DENND4A: variants seen among roughly 807,000 people sequenced by gnomAD.
DENND4A encodes DENN domain containing 4A.
A neutral mutation model predicts 199.3 loss-of-function variants in DENND4A; 70 were observed. The observed-to-expected ratio is 0.35, with a 90% CI of 0.29 to 0.43. The LOEUF (loss-of-function observed/expected upper bound fraction) is 0.43. Ranked by LOEUF, DENND4A falls within the 20% of genes least tolerant of loss-of-function variation. The pLI, the probability that DENND4A is intolerant of heterozygous loss-of-function variation, is 1.00. For missense variants in DENND4A, 1,723 were observed against 2,255.8 expected (o/e 0.76, Z 4.78); for synonymous variants, 686 against 766.9 (o/e 0.89, Z 1.74).
chr15:65,692,500 T>C lies in DENND4A; in HGVS notation c.3083-989A>G, dbSNP rs1034275722. On this transcript the variant is annotated intron_variant, in intron 22 of 32. Transcript: ENST00000443035. ...CTTTATGCACAGAATTAGCTCTCTA[T>C]AGCCAGACAAGTATTGAAAATGTGC... Among the ~76,000 whole-genome samples, 8 of 152,282 alleles carry C rather than the reference T, an allele frequency of 5.3e-5. No individual in the cohort carries two copies. The South Asian group carries it at 8.3e-4, about 16-fold the overall frequency.
At chr15:65,737,586 AT>A in intron 7 of DENND4A, 120 bp downstream of exon 7, 1 of 1,036,306 alleles carries the variant, frequency 9.6e-7, no homozygotes, top group Non-Finnish European at 1.4e-6. Context: ...GAAATAAACC[AT>A]TTTTTTCAAA....
intron 4 of DENND4A, 58 bp downstream of exon 4, chr15:65,752,315 ATGTATT>A: frequency 4.2e-6 from 1 of 239,252 alleles, no homozygotes; most frequent in Non-Finnish European, 7.5e-6. Flanking sequence ...AAAAAAAAAG[ATGTATT>A]TAAAATTATG....
At position 65,700,823 on chromosome 15, in the gene DENND4A, T is replaced by C; in HGVS notation, c.2702-148A>G. ...ATACAACTATAACAAAGAAACCTAT[T>C]GTGAGTTATTAATGAACACTAAAAC... is the stretch of plus-strand genomic sequence containing the variant. On this transcript the variant is annotated intron_variant, in intron 19 of 32. Coordinates refer to ENST00000443035, the MANE Select transcript of DENND4A (RefSeq NM_001320835.1). The C allele has an allele frequency of 9.3e-6, 9 of 967,816 alleles. No homozygotes were observed. The South Asian group carries it at 1.8e-4, about 19-fold the overall frequency. The allele number at this position is 967,816 out of a possible 1,614,324, so 60.0% of individuals were successfully genotyped here.
At chr15:65,673,903 G>A (rs2076292204) in intron 24 of DENND4A, among the ~76,000 whole-genome samples, 1 of 152,082 alleles carries the variant, frequency 6.6e-6, no homozygotes, top group African/African-American at 2.4e-5. Context: ...CTAATCTACA[G>A]TATAGAATAT....
chr15:65,725,652 G>A (rs1596534158), intron 11 of DENND4A, among the ~76,000 whole-genome samples: 2 of 147,988 alleles, frequency 1.4e-5, no homozygotes, highest in South Asian at 2.2e-4. Flanking sequence ...ACTCCAGCCT[G>A]GGCAACAGAG....
chr15:65,787,151 CTCA>C (rs1408535072), intron 1 of DENND4A, among the ~76,000 whole-genome samples: 1 of 152,040 alleles, frequency 6.6e-6, no homozygotes, highest in Non-Finnish European at 1.5e-5. Flanking sequence ...ATAAAAATCT[CTCA>C]TCTACAAAAC....
At chr15:65,781,457 A>G (rs1847592267) in intron 1 of DENND4A, among the ~76,000 whole-genome samples, 1 of 152,238 alleles carries the variant, frequency 6.6e-6, no homozygotes, top group African/African-American at 2.4e-5. Flanking sequence ...ATAACGCAGA[A>G]GTTGGAACAA....
intron 1 of DENND4A, chr15:65,772,276 G>T: frequency 1.8e-6 from 1 of 541,220 alleles, no homozygotes; most frequent in Non-Finnish European, 3.3e-6. Context: ...AATATTTATT[G>T]AATACTGAAA....
Position 65,660,066 on chromosome 15 carries a change from T to C in DENND4A, c.*1785A>G, listed in dbSNP as rs994431474. 2 of 472,496 alleles carry C rather than the reference T, an allele frequency of 4.2e-6. No homozygotes were observed. The highest frequency in any genetic ancestry group is 3.8e-5 in the Admixed American group (1 of 26,564). The allele number at this position is 472,496 out of a possible 1,614,324, so 29.3% of individuals were successfully genotyped here. A position where few individuals can be genotyped will look rare whatever the true frequency, so the allele number is the denominator to read the frequency against. ...CCAAAAGCCTCCCCCCTCTGAAATG[T>C]TTCTCTCAGTTGACAACTTTCAAAT... On this transcript the variant is annotated 3_prime_UTR_variant, in exon 33 of 33. Coordinates refer to ENST00000443035, the MANE Select transcript of DENND4A (RefSeq NM_001320835.1).
intron 30 of DENND4A, 48 bp from the exon 31 acceptor site, chr15:65,664,770 A>G: frequency 6.7e-7 from 1 of 1,495,254 alleles, no homozygotes; most frequent in East Asian, 2.3e-5. Context: ...CTGTGTAGAA[A>G]GGAGAAAGAA....
In DENND4A at chr15:65,688,975, G is replaced by T. The variant is rs1461412722; in HGVS notation, c.4179+1440C>A. 2.0e-5 allele frequency among the ~76,000 whole-genome samples: 3 copies of T among 152,152 alleles called. No individual in the cohort carries two copies. In the East Asian group the frequency reaches 5.8e-4, roughly 29 times the overall value. On this transcript the variant is annotated intron_variant, in intron 23 of 32. Transcript: ENST00000443035. ...CAGTATTCTCACCCCAATTCCTAAA[G>T]AATATTTTTGTTGAGTACAGAAAAA...
chr15:65,759,274 C>G (rs1420580046), intron 2 of DENND4A, among the ~76,000 whole-genome samples: 1 of 152,034 alleles, frequency 6.6e-6, no homozygotes, highest in Admixed American at 6.6e-5. Context: ...GTCAGGAGTT[C>G]AAGACCAGCC....
intron 23 of DENND4A, among the ~76,000 whole-genome samples, chr15:65,686,690 A>G (rs2076794789): frequency 6.6e-6 from 1 of 152,092 alleles, no homozygotes. Flanking sequence ...GGAACACACC[A>G]TAACATCCAA....
intron 13 of DENND4A, among the ~76,000 whole-genome samples, chr15:65,715,972 C>T (rs1430995902): frequency 3.3e-5 from 5 of 151,642 alleles, no homozygotes; most frequent in African/African-American, 9.7e-5. Flanking sequence ...ATATATATAT[C>T]ATATATATAT....
intron 14 of DENND4A, 25 bp from the exon 15 acceptor site, chr15:65,706,249 T>C: frequency 2.0e-6 from 3 of 1,464,178 alleles, no homozygotes; most frequent in South Asian, 1.5e-5. Context: ...AAAACATATA[T>C]TAAAAAAGCC....
rs141504948 is a variant in DENND4A, at chr15:65,690,637, T to C, written c.3957A>G (p.Pro1319=). The C allele has an allele frequency of 1.2e-3, 1,864 of 1,613,724 alleles. 15 individuals carry two copies. In the African/African-American group the frequency reaches 0.022, roughly 19 times the overall value. The part of the protein sequence containing the change: ...SKSYTKSEEK[P]RDRLWSSPAF... ...CTGGAGAAGACCAAAGTCTATCCCT[T>C]GGTTTCTCCTCACTTTTTGTGTAAC... The change falls in exon 23 of 33, where the codon CCA becomes CCG. Residue 1319 remains proline (P), a synonymous_variant. Transcript: ENST00000443035.
chr15:65,673,886 TA>T lies in DENND4A; in HGVS notation c.4370-2001del, dbSNP rs2076291493. ...ATTTATTTGAGCAGCCTACCTTTTGTATCTAACTAATCTACAGTATAGAATA... is the reference window on the plus strand; with the variant it reads ...ATTTATTTGAGCAGCCTACCTTTTGTTCTAACTAATCTACAGTATAGAATA... On this transcript the variant is annotated intron_variant, in intron 24 of 32. Coordinates refer to ENST00000443035, the MANE Select transcript of DENND4A (RefSeq NM_001320835.1). 7.9e-5 allele frequency among the ~76,000 whole-genome samples: 12 copies of T among 152,326 alleles called. No individual in the cohort carries two copies. The South Asian group carries it at 2.5e-3, about 32-fold the overall frequency.
At chr15:65,782,357 C>T (rs1206266846) in intron 1 of DENND4A, among the ~76,000 whole-genome samples, 1 of 152,168 alleles carries the variant, frequency 6.6e-6, no homozygotes, top group Non-Finnish European at 1.5e-5. Flanking sequence ...TCCCAAGAGA[C>T]GGCTTCCCCA....
At chr15:65,704,681 C>G (rs2074992245) in intron 15 of DENND4A, among the ~76,000 whole-genome samples, 1 of 152,194 alleles carries the variant, frequency 6.6e-6, no homozygotes, top group South Asian at 2.1e-4. Context: ...ACCTCCACCT[C>G]CCCGGTTCAA....
Sources: gnomAD v4.1 joint callset for allele counts (sites outside exome capture counted in the v4.1 genomes callset) on GRCh38, gnomAD v4.1.1 for gene constraint, MANE v1.5 for transcripts, NCBI Gene and HGNC (gene_info 2026-07-23, HGNC 2026-07-21) for gene names.